The following GTF3C2 variants were observed in gnomAD, a reference collection of about 807,000 sequenced individuals.
The protein encoded by GTF3C2 is general transcription factor IIIC subunit 2, also known as general transcription factor 3C polypeptide 2.
GTF3C2 carries 17 observed loss-of-function variants against 117.4 expected under a neutral mutation model. The observed-to-expected ratio is 0.14, with a 90% CI of 0.10 to 0.22. GTF3C2 has a LOEUF of 0.22. Ranked by LOEUF, GTF3C2 falls within the 10% of genes least tolerant of loss-of-function variation. The probability of loss-of-function intolerance (pLI) is 1.00; values close to 1 mark genes in which losing one functional copy is unlikely to be tolerated. For missense variants in GTF3C2, 888 were observed against 1,143.6 expected, an observed-to-expected ratio of 0.78 and a Z score of 3.22; for synonymous variants, 437 against 427.0, an observed-to-expected ratio of 1.02 and a Z score of -0.29.
In GTF3C2 at chr2:27,335,888, G is replaced by C. The variant is rs540065204; in HGVS notation, c.1467+29C>G. 3 of 1,430,030 alleles carry C rather than the reference G, an allele frequency of 2.1e-6. No individual in the cohort carries two copies. In the Admixed American group the frequency reaches 5.0e-5, roughly 24 times the overall value. 88.6% of individuals were successfully genotyped at this position (1,430,030 alleles called of 1,614,324 possible). On this transcript the variant is annotated intron_variant, in intron 9 of 18. Transcript: ENST00000264720. ...CTCTTTGTCCTGGCTTTGAGTCCTA[G>C]GGCCATCCCACAGTTGACTGGGAAG...
chr2:27,338,787 C>A (rs1680603566), intron 4 of GTF3C2, among the ~76,000 whole-genome samples: 1 of 152,054 alleles, frequency 6.6e-6, no homozygotes, highest in Non-Finnish European at 1.5e-5. Flanking sequence ...ATCCCTCCCC[C>A]TCGGCCTCCC....
At chr2:27,333,704 G>C (rs776939264) in exon 12 of GTF3C2, 1 of 1,612,278 alleles carries the variant, frequency 6.2e-7, no homozygotes, top group South Asian at 1.1e-5. Flanking sequence ...TAGGCATCCA[G>C]GCCAGGCTAA....
chr2:27,336,867 C>T, intron 7 of GTF3C2: 1 of 230,290 alleles, frequency 4.3e-6, no homozygotes, highest in Non-Finnish European at 8.5e-6. Flanking sequence ...TTTTTGGCCT[C>T]CCAAAGTGCT....
intron 12 of GTF3C2, among the ~76,000 whole-genome samples, chr2:27,331,472 C>T (rs1053414857): frequency 1.3e-5 from 2 of 152,026 alleles, no homozygotes; most frequent in African/African-American, 2.4e-5. Flanking sequence ...ACTACAGGCA[C>T]GCGCCATCCT....
intron 10 of GTF3C2, among the ~76,000 whole-genome samples, chr2:27,334,866 A>G (rs1411092950): frequency 1.3e-5 from 2 of 152,076 alleles, no homozygotes; most frequent in East Asian, 3.9e-4. Context: ...GCTGGTCTCA[A>G]ACTCCTAGGC....
At chr2:27,345,461 C>T (rs1055103334) in intron 1 of GTF3C2, among the ~76,000 whole-genome samples, 13 of 151,682 alleles carry the variant, frequency 8.6e-5, no homozygotes, top group Non-Finnish European at 1.3e-4. Context: ...GGCATGGTGG[C>T]AGGCGCCTGT....
intron 7 of GTF3C2, 48 bp downstream of exon 7, chr2:27,337,196 G>T: frequency 9.0e-7 from 1 of 1,107,368 alleles, no homozygotes; most frequent in Non-Finnish European, 1.4e-6. Context: ...CATTTTTCTT[G>T]TTTCTGGCTC....
chr2:27,342,166 G>A lies in GTF3C2; in HGVS notation c.637C>T (p.Pro213Ser), dbSNP rs778715329. Residue 213 changes from proline (P) to serine (S), a missense_variant, in exon 4 of 19, where the codon CCT becomes TCT. Pro to Ser is a moderately conservative substitution (Grantham distance 74). Coordinates refer to ENST00000264720, the Ensembl canonical transcript of GTF3C2. ...GGGCTGCTCACCTTGGGGCCCTCAGGACAGGACACAGGGGCAGGCAGGGCT... is the reference window on the plus strand; with the variant it reads ...GGGCTGCTCACCTTGGGGCCCTCAGAACAGGACACAGGGGCAGGCAGGGCT... 8.1e-6 allele frequency: 13 copies of A among 1,614,116 alleles called. No homozygotes were observed. In the South Asian group the frequency reaches 8.8e-5, roughly 11 times the overall value.
intron 15 of GTF3C2, 74 bp from the exon 16 acceptor site, chr2:27,328,670 TGA>T (rs1265250796): frequency 4.4e-5 from 57 of 1,298,430 alleles, no homozygotes; most frequent in Middle Eastern, 1.9e-4. Flanking sequence ...CTGCACAGTC[TGA>T]GAGACAGACA....
intron 17 of GTF3C2, among the ~76,000 whole-genome samples, 153 bp from the exon 18 acceptor site, chr2:27,327,437 G>A (rs950222573): frequency 3.5e-4 from 53 of 151,752 alleles, no homozygotes; most frequent in Middle Eastern, 3.4e-3. Context: ...GTGATTCTCC[G>A]CCTCAGCCTC....
At chr2:27,342,966 T>G (rs1558620243) in exon 3 of GTF3C2, 2 of 1,614,208 alleles carry the variant, frequency 1.2e-6, no homozygotes, top group Non-Finnish European at 1.7e-6. Context: ...ACTTTCGACC[T>G]CGTTTCTTAG....
chr2:27,332,244 G>A (rs939660402), intron 12 of GTF3C2, among the ~76,000 whole-genome samples: 2 of 151,866 alleles, frequency 1.3e-5, no homozygotes, highest in African/African-American at 4.8e-5. Context: ...CAACTCCTGG[G>A]CTGCGATCCT....
At chr2:27,349,644 AT>A (rs954355205) in intron 1 of GTF3C2, among the ~76,000 whole-genome samples, 64 of 143,230 alleles carry the variant, frequency 4.5e-4, no homozygotes, top group Admixed American at 7.0e-4. Flanking sequence ...AGGGAGTACT[AT>A]TTTTTTTTTT....
intron 4 of GTF3C2, 123 bp downstream of exon 4, chr2:27,341,825 T>A (rs1332161574): frequency 3.7e-6 from 3 of 815,934 alleles, no homozygotes; most frequent in Non-Finnish European, 5.8e-6. Context: ...TGGACCCTTT[T>A]TTCTTTAACC....
intron 1 of GTF3C2, among the ~76,000 whole-genome samples, chr2:27,344,623 G>A (rs1680854604): frequency 6.6e-6 from 1 of 152,160 alleles, no homozygotes; most frequent in African/African-American, 2.4e-5. Flanking sequence ...TTAGACCAAA[G>A]TGAAGAGGCA....
chr2:27,334,488 G>A (rs903169650), intron 10 of GTF3C2, among the ~76,000 whole-genome samples: 1 of 151,722 alleles, frequency 6.6e-6, no homozygotes, highest in Non-Finnish European at 1.5e-5. Flanking sequence ...TTCCTCCTGT[G>A]TCATCCACTT....
chr2:27,327,443 G>A (rs919516532), intron 17 of GTF3C2, among the ~76,000 whole-genome samples, 159 bp from the exon 18 acceptor site: 10 of 151,966 alleles, frequency 6.6e-5, no homozygotes, highest in Non-Finnish European at 1.3e-4. Context: ...CTCCGCCTCA[G>A]CCTCCTGAGT....
At chr2:27,326,508 G>A (rs1346127784) in exon 19 of GTF3C2, 13 of 619,582 alleles carry the variant, frequency 2.1e-5, no homozygotes. Context: ...TGTGATCACA[G>A]AAGTCTGTAG....
chr2:27,337,286 C>T (rs774927122), exon 7 of GTF3C2: 2 of 1,613,472 alleles, frequency 1.2e-6, no homozygotes. Flanking sequence ...TAGCCCTTCA[C>T]GTTGTACAGA....
Sources: gnomAD v4.1 joint callset for allele counts (sites outside exome capture counted in the v4.1 genomes callset) on GRCh38, gnomAD v4.1.1 for gene constraint, MANE v1.5 for transcripts, NCBI Gene and HGNC (gene_info 2026-07-23, HGNC 2026-07-21) for gene names.